RSBN1: variants seen among roughly 807,000 people sequenced by gnomAD.
RSBN1 encodes lysine-specific demethylase 9.
In RSBN1, 23 loss-of-function variants were observed where a neutral mutation model predicts 74.8. The ratio of observed to expected loss-of-function variants is 0.31; its 90% CI spans 0.22 to 0.44. The LOEUF is 0.44. RSBN1 is among the 20% of genes least tolerant of loss of function. The pLI is 1.00. For missense variants in RSBN1, 808 were observed against 1,020.9 expected, an observed-to-expected ratio of 0.79 and a Z score of 2.84; for synonymous variants, 407 against 379.6, an observed-to-expected ratio of 1.07 and a Z score of -0.84.
intron 1 of RSBN1, among the ~76,000 whole-genome samples, chr1:113,809,916 T>C (rs996614744): frequency 2.6e-5 from 4 of 152,228 alleles, no homozygotes; most frequent in Admixed American, 6.5e-5. Flanking sequence ...AAAATTTCCA[T>C]CATCTGAGAA....
intron 1 of RSBN1, among the ~76,000 whole-genome samples, chr1:113,804,997 G>A (rs1660674493): frequency 6.6e-6 from 1 of 151,706 alleles, no homozygotes; most frequent in Non-Finnish European, 1.5e-5. Flanking sequence ...GGAGAAGACA[G>A]CCTATGGGGG....
rs1442023255 is a variant in RSBN1 at position 113,763,665 on chromosome 1, AATTT to A, written c.*2311_*2314del. Reference sequence around the variant, plus strand: ...TCTATTGCAATTCTAACATACAATGAATTTATTAGTACATGATTTTAAACATTTT... The same window carrying A: ...TCTATTGCAATTCTAACATACAATGAATTAGTACATGATTTTAAACATTTT... On this transcript the variant is annotated 3_prime_UTR_variant, in exon 7 of 7. Transcript: ENST00000261441. 5 of 152,774 alleles carry A rather than the reference AATTT, an allele frequency of 3.3e-5. No individual in the cohort carries two copies. The highest frequency in any genetic ancestry group is 1.2e-4 in the African/African-American group (5 of 41,460). The allele number at this position is 152,774 out of a possible 1,614,324, so 9.5% of individuals were successfully genotyped here.
intron 2 of RSBN1, among the ~76,000 whole-genome samples, chr1:113,781,451 C>T (rs1357284503): frequency 2.0e-5 from 3 of 152,140 alleles, no homozygotes; most frequent in Non-Finnish European, 4.4e-5. Context: ...CTCTCCAAAA[C>T]GTGGTTGTTG....
chr1:113,770,835 G>C (rs1044067077), intron 4 of RSBN1, among the ~76,000 whole-genome samples: 1 of 152,014 alleles, frequency 6.6e-6, no homozygotes, highest in Non-Finnish European at 1.5e-5. Flanking sequence ...CAAAAGTCCA[G>C]TAAATGTCTC....
At chr1:113,802,104 A>C (rs2101823262) in intron 1 of RSBN1, among the ~76,000 whole-genome samples, 1 of 152,176 alleles carries the variant, frequency 6.6e-6, no homozygotes, top group South Asian at 2.1e-4. Flanking sequence ...GCAGGTGCAC[A>C]TCACCATGCC....
chr1:113,771,100 GAT>G (rs1411167469), intron 4 of RSBN1, among the ~76,000 whole-genome samples: 1 of 152,022 alleles, frequency 6.6e-6, no homozygotes, highest in Non-Finnish European at 1.5e-5. Context: ...TCAGACTGCT[GAT>G]GATAGAGGAT....
In RSBN1 at chr1:113,812,140, A is replaced by C. The variant is rs1660878539; in HGVS notation, c.273T>G (p.Ser91=). 1 of 1,609,080 alleles carries C rather than the reference A, an allele frequency of 6.2e-7. No homozygotes were observed. The highest frequency in any genetic ancestry group is 1.3e-5 in the African/African-American group (1 of 74,690). ...SPRGVKRQRR[S]SSGGSQEKRG... ...GCTTCTCCTGAGACCCCCCACTGCT[A>C]GATCGGCGCTGCCGTTTAACTCCCC... The change falls in exon 1 of 7, where the codon TCT becomes TCG. Residue 91 remains serine (S), a synonymous_variant. Coordinates refer to ENST00000261441, the MANE Select transcript of RSBN1 (RefSeq NM_018364.5).
At chr1:113,770,875 T>C (rs571740605) in intron 4 of RSBN1, among the ~76,000 whole-genome samples, 38 of 152,016 alleles carry the variant, frequency 2.5e-4, no homozygotes, top group African/African-American at 8.7e-4. Flanking sequence ...TAATAGGAAA[T>C]ATGAGGACCA....
rs370206746 is a variant in RSBN1 at position 113,797,944 on chromosome 1, T to C, written c.796A>G (p.Met266Val). ...TACATTTTAAGGCGTCTTCCTCGCATGTCTTCTCGGTGTTTCTTTTTCTTT... is the reference window on the plus strand; with the variant it reads ...TACATTTTAAGGCGTCTTCCTCGCACGTCTTCTCGGTGTTTCTTTTTCTTT... ...KKKKKKHRED[M>V]RGRRLKMYNK... Residue 266 changes from methionine (M) to valine (V), a missense_variant, in exon 2 of 7, where the codon ATG becomes GTG. Physicochemically the swap from Met to Val is conservative, Grantham distance 21. Around this residue, in one of 6 missense-constraint regions of RSBN1, gnomAD observed 464 missense variants for 401.0 expected, o/e 1.16. Coordinates refer to ENST00000261441, the MANE Select transcript of RSBN1 (RefSeq NM_018364.5). 6.2e-6 allele frequency: 10 copies of C among 1,613,902 alleles called. No homozygotes were observed. Among genetic ancestry groups the C allele is most frequent in the Admixed American group, 5.0e-5 (3 of 59,990 alleles).
chr1:113,777,777 C>G lies in RSBN1; in HGVS notation c.1409G>C (p.Arg470Pro). Residue 470 changes from arginine (R) to proline (P), a missense_variant, in exon 3 of 7, where the codon CGA (arginine) becomes CCA (proline). By Grantham distance (103) the Arg-to-Pro change is moderately radical. Around this residue, in one of 6 missense-constraint regions of RSBN1, gnomAD observed 112 missense variants for 257.3 expected, o/e 0.44. Coordinates refer to ENST00000261441, the MANE Select transcript of RSBN1 (RefSeq NM_018364.5). ...ACTTATCTGCCGCATAGGACCTGCTCGGTAGGTGCCACAGCAGTATGTCCT... is the reference window on the plus strand; with the variant it reads ...ACTTATCTGCCGCATAGGACCTGCTGGGTAGGTGCCACAGCAGTATGTCCT... Reference protein sequence around the residue: ...VNRTYCCGTYRAGPMRQISLV... With the variant: ...VNRTYCCGTYPAGPMRQISLV... 6.2e-7 allele frequency: 1 copy of G among 1,604,874 alleles called. No individual in the cohort carries two copies. Among genetic ancestry groups the G allele is most frequent in the Non-Finnish European group, 8.5e-7 (1 of 1,174,170 alleles).
In RSBN1 at chr1:113,797,669, G is replaced by C; in HGVS notation, c.1071C>G (p.Ser357Arg). The C allele has an allele frequency of 6.2e-7, 1 of 1,614,044 alleles. No individual in the cohort carries two copies. The highest frequency in any genetic ancestry group is 8.5e-7 in the Non-Finnish European group (1 of 1,179,962). ...RNFLKTGTKF[S>R]NFIHEEHQSN... ...ACTGGTGTTCCTCATGAATAAAGTT[G>C]CTAAATTTAGTACCTGTTTTTAAGA... The change falls in exon 2 of 7, where the codon AGC (serine) becomes AGG (arginine). Residue 357 changes from serine (S) to arginine (R), a missense_variant. Coordinates refer to ENST00000261441, the MANE Select transcript of RSBN1 (RefSeq NM_018364.5).
chr1:113,797,086 C>G (rs1443908177), intron 2 of RSBN1, among the ~76,000 whole-genome samples: 1 of 152,130 alleles, frequency 6.6e-6, no homozygotes, highest in Non-Finnish European at 1.5e-5. Context: ...TAACATTACC[C>G]GATTTGTGAA....
At chr1:113,777,075 CT>C (rs1660047798) in intron 4 of RSBN1, 134 bp downstream of exon 4, 2 of 705,256 alleles carry the variant, frequency 2.8e-6, no homozygotes, top group Admixed American at 5.3e-5. Flanking sequence ...GATGATTGGA[CT>C]GAAAAGAGGA....
intron 2 of RSBN1, among the ~76,000 whole-genome samples, chr1:113,793,780 A>G (rs1167817529): frequency 6.6e-6 from 1 of 151,880 alleles, no homozygotes; most frequent in African/African-American, 2.4e-5. Context: ...TCCCAGGTTC[A>G]AGCCAGCATC....
chr1:113,795,949 T>C (rs1385202103), intron 2 of RSBN1, among the ~76,000 whole-genome samples: 1 of 152,132 alleles, frequency 6.6e-6, no homozygotes, highest in African/African-American at 2.4e-5. Context: ...AAAGAGAAAA[T>C]TTGCTGCATT....
rs753085435 is a variant in RSBN1 at position 113,762,947 on chromosome 1, T to C, written c.*3033A>G. 6.5e-6 allele frequency: 1 copy of C among 152,680 alleles called. No homozygotes were observed. Among genetic ancestry groups the C allele is most frequent in the African/African-American group, 2.4e-5 (1 of 41,434 alleles). 9.5% of individuals were successfully genotyped at this position (152,680 alleles called of 1,614,324 possible). ...TTTTCAAAAGTCTTTCACTAAAAAA[T>C]AATAAAAGTACCAGTTAAACAAATT... On this transcript the variant is annotated 3_prime_UTR_variant, in exon 7 of 7. Coordinates refer to ENST00000261441, the MANE Select transcript of RSBN1 (RefSeq NM_018364.5).
At chr1:113,779,506 T>C (rs1244576978) in intron 2 of RSBN1, among the ~76,000 whole-genome samples, 1 of 152,220 alleles carries the variant, frequency 6.6e-6, no homozygotes, top group Non-Finnish European at 1.5e-5. Context: ...TATATTCATA[T>C]GAATTACTTT....
intron 2 of RSBN1, among the ~76,000 whole-genome samples, chr1:113,797,086 C>T (rs1443908177): frequency 6.6e-6 from 1 of 152,130 alleles, no homozygotes; most frequent in Non-Finnish European, 1.5e-5. Context: ...TAACATTACC[C>T]GATTTGTGAA....
At chr1:113,809,514 T>C (rs1055807412) in intron 1 of RSBN1, among the ~76,000 whole-genome samples, 1 of 152,236 alleles carries the variant, frequency 6.6e-6, no homozygotes, top group African/African-American at 2.4e-5. Context: ...ACCAGTTTAT[T>C]TTCTGTAGGG....
Sources: gnomAD v4.1 joint callset for allele counts (sites outside exome capture counted in the v4.1 genomes callset) on GRCh38, gnomAD v4.1.1 for gene constraint, gnomAD v4.1.1 regional missense constraint, MANE v1.5 for transcripts, NCBI Gene and HGNC (gene_info 2026-07-23, HGNC 2026-07-21) for gene names.